KCNH3: variants seen among roughly 807,000 people sequenced by gnomAD.
KCNH3 encodes potassium voltage-gated channel subfamily H member 3.
KCNH3 carries 36 observed loss-of-function variants against 95.6 expected under a neutral mutation model. The observed-to-expected ratio is 0.38, with a 90% CI of 0.29 to 0.50. The LOEUF (loss-of-function observed/expected upper bound fraction) is 0.50, where lower values mean the gene tolerates loss of function less well. Ranked by LOEUF, KCNH3 falls within the 20% of genes least tolerant of loss-of-function variation. KCNH3 has a pLI of 0.95. For missense variants in KCNH3, 1,030 were observed against 1,484.1 expected (o/e 0.69, Z 5.03); for synonymous variants, 620 against 646.3 (o/e 0.96, Z 0.62).
In KCNH3 at chr12:49,544,381, T is replaced by A; in HGVS notation, c.1188T>A (p.Ile396=). 6.2e-7 allele frequency: 1 copy of A among 1,612,764 alleles called. No homozygotes were observed. The change falls in exon 7 of 15, where the codon ATT becomes ATA. Residue 396 remains isoleucine (I), a splice_region_variant and synonymous_variant. Coordinates refer to ENST00000257981, the MANE Select transcript of KCNH3 (RefSeq NM_012284.3). Reference sequence around the variant, plus strand: ...GCAGCGAATCCGAGCTGCCTGAGATTGGTACTGGAGGCTCCCTCTGCATGT... The same window carrying A: ...GCAGCGAATCCGAGCTGCCTGAGATAGGTACTGGAGGCTCCCTCTGCATGT... The part of the protein sequence containing the change: ...IESSESELPE[I]GWLQELARRL...
At chr12:49,552,572 G>A (rs1040562873) in intron 10 of KCNH3, among the ~76,000 whole-genome samples, 1 of 152,174 alleles carries the variant, frequency 6.6e-6, no homozygotes, top group Non-Finnish European at 1.5e-5. Context: ...GAACATCCAA[G>A]TGCATCCTGT....
chr12:49,556,651 C>G (rs1938460233), intron 13 of KCNH3, 175 bp downstream of exon 13: 2 of 703,680 alleles, frequency 2.8e-6, no homozygotes, highest in Admixed American at 2.0e-5. Context: ...TGGTGAAGAC[C>G]AGCACTTTAA....
intron 10 of KCNH3, among the ~76,000 whole-genome samples, chr12:49,552,717 ACT>A (rs1440502902): frequency 1.3e-5 from 2 of 151,770 alleles, no homozygotes; most frequent in African/African-American, 2.4e-5. Flanking sequence ...TGGTCCTGAG[ACT>A]CTGCCCTCGG....
chr12:49,556,754 TA>T (rs34930889), intron 13 of KCNH3: 4 of 677,268 alleles, frequency 5.9e-6, no homozygotes, highest in East Asian at 2.8e-5. Flanking sequence ...TTCCTGTCTG[TA>T]AAAAAATGGG....
intron 10 of KCNH3, among the ~76,000 whole-genome samples, chr12:49,551,903 C>A (rs1355267085): frequency 6.6e-6 from 1 of 152,206 alleles, no homozygotes; most frequent in East Asian, 1.9e-4. Flanking sequence ...ACTGTGTGTC[C>A]ATCCTTGCTC....
chr12:49,541,002 C>A lies in KCNH3; in HGVS notation c.180C>A (p.Val60=), dbSNP rs1196750012. The A allele has an allele frequency of 1.2e-6, 2 of 1,614,006 alleles. No homozygotes were observed. Among genetic ancestry groups the A allele is most frequent in the Non-Finnish European group, 1.7e-6 (2 of 1,180,048 alleles). Residue 60 remains valine, a synonymous_variant, in exon 2 of 15, where the codon GTC becomes GTA. Coordinates refer to ENST00000257981, the MANE Select transcript of KCNH3 (RefSeq NM_012284.3). ...CDLTGFSRAE[V]MQRGCACSFL... is the part of the protein sequence containing the mutation. ...TCACGGGCTTCTCCCGGGCTGAGGT[C>A]ATGCAGCGGGGCTGTGCCTGCTCCT...
chr12:49,547,247 C>T (rs940518324), intron 7 of KCNH3, among the ~76,000 whole-genome samples: 1 of 152,216 alleles, frequency 6.6e-6, no homozygotes, highest in Admixed American at 6.5e-5. Context: ...GGTGAGCCCC[C>T]ACCTTGGTGC....
rs193291852 is a variant in KCNH3, at chr12:49,553,827, C to G, written c.1919-510C>G. ...TAAGCCTGGCTGCCTGGCATTTTCCCTATGCCACACAGGGCTCTAATTTGC... is the reference window on the plus strand; with the variant it reads ...TAAGCCTGGCTGCCTGGCATTTTCCGTATGCCACACAGGGCTCTAATTTGC... On this transcript the variant is annotated intron_variant, in intron 10 of 14. Coordinates refer to ENST00000257981, the MANE Select transcript of KCNH3 (RefSeq NM_012284.3). Among the ~76,000 whole-genome samples the G allele has an allele frequency of 2.0e-5, 3 of 152,320 alleles. No homozygotes were observed. In the East Asian group the frequency reaches 5.8e-4, roughly 29 times the overall value.
intron 7 of KCNH3, among the ~76,000 whole-genome samples, chr12:49,547,386 G>A (rs1011693941): frequency 2.0e-5 from 3 of 152,156 alleles, no homozygotes; most frequent in South Asian, 2.1e-4. Flanking sequence ...GGTTTGGCTC[G>A]TGCCTGTCCC....
Position 49,549,508 on chromosome 12 carries a change from T to C in KCNH3, c.1536T>C (p.Phe512=). ...TCCAGCGCATGTACGCCCGCCGCTT[T>C]CTGTACCACAGCCGCACGCGCGACC... is the stretch of plus-strand genomic sequence containing the variant. ...AIIQRMYARR[F]LYHSRTRDLR... Residue 512 remains phenylalanine, a synonymous_variant, in exon 9 of 15, where the codon TTT becomes TTC. Transcript: ENST00000257981. 2 of 1,613,762 alleles carry C rather than the reference T, an allele frequency of 1.2e-6. No homozygotes were observed. The highest frequency in any genetic ancestry group is 1.7e-6 in the Non-Finnish European group (2 of 1,180,038).
chr12:49,543,748 G>A, intron 5 of KCNH3, 167 bp from the exon 6 acceptor site: 1 of 1,086,104 alleles, frequency 9.2e-7, no homozygotes, highest in Non-Finnish European at 1.3e-6. Context: ...TTCCCCCTTT[G>A]TAAAATAGGC....
chr12:49,555,972 C>T (rs371396234), intron 12 of KCNH3, 21 bp downstream of exon 12: 20 of 1,211,780 alleles, frequency 1.7e-5, no homozygotes, highest in African/African-American at 7.5e-5. Flanking sequence ...CCTAGGCCCC[C>T]GTGGCAGAGA....
rs751096116 is a variant in KCNH3 at position 49,549,505 on chromosome 12, C to T, written c.1533C>T (p.Arg511=). 5 of 1,613,782 alleles carry T rather than the reference C, an allele frequency of 3.1e-6. No individual in the cohort carries two copies. In the Admixed American group the frequency reaches 8.3e-5, roughly 27 times the overall value. The change falls in exon 9 of 15, where the codon CGC becomes CGT. Residue 511 remains arginine (R), a synonymous_variant. Transcript: ENST00000257981. Reference sequence around the variant, plus strand: ...TCATCCAGCGCATGTACGCCCGCCGCTTTCTGTACCACAGCCGCACGCGCG... The same window carrying T: ...TCATCCAGCGCATGTACGCCCGCCGTTTTCTGTACCACAGCCGCACGCGCG... ...TAIIQRMYAR[R]FLYHSRTRDL...
At chr12:49,547,110 G>C (rs1437381236) in intron 7 of KCNH3, among the ~76,000 whole-genome samples, 1 of 152,050 alleles carries the variant, frequency 6.6e-6, no homozygotes, top group Non-Finnish European at 1.5e-5. Context: ...GGTCACGCTG[G>C]TCTCGAACTC....
At position 49,548,885 on chromosome 12, in the gene KCNH3, C is replaced by T. The variant is rs760459990; in HGVS notation, c.1190-10C>T. The T allele has an allele frequency of 1.3e-6, 2 of 1,555,750 alleles. No homozygotes were observed. The highest frequency in any genetic ancestry group is 1.7e-6 in the Non-Finnish European group (2 of 1,151,070). ...TCCTGCCTGCTCAGGCCCTGCTGTT[C>T]CCCCCTCAGGCTGGCTGCAGGAGCT... On this transcript the variant is annotated splice_polypyrimidine_tract_variant and intron_variant, in intron 7 of 14. Transcript: ENST00000257981.
chr12:49,549,115 C>T lies in KCNH3; in HGVS notation c.1410C>T (p.Asn470=), dbSNP rs754123418. Residue 470 remains asparagine (N), a synonymous_variant, in exon 8 of 15, where the codon AAC becomes AAT. Coordinates refer to ENST00000257981, the MANE Select transcript of KCNH3 (RefSeq NM_012284.3). ...LSSLTSVGFG[N]VSANTDTEKI... Reference sequence around the variant, plus strand: ...GCCTCACCAGCGTGGGCTTCGGCAACGTGTCCGCCAACACGGACACCGAGA... The same window carrying T: ...GCCTCACCAGCGTGGGCTTCGGCAATGTGTCCGCCAACACGGACACCGAGA... The T allele has an allele frequency of 6.2e-7, 1 of 1,612,324 alleles. No individual in the cohort carries two copies. Among genetic ancestry groups the T allele is most frequent in the South Asian group, 1.1e-5 (1 of 91,054 alleles).
chr12:49,542,645 C>G (rs1937909577), intron 3 of KCNH3, 61 bp from the exon 4 acceptor site: 3 of 1,507,356 alleles, frequency 2.0e-6, no homozygotes, highest in Non-Finnish European at 2.7e-6. Context: ...CTACACCTGA[C>G]CCGGAGCTAG....
intron 10 of KCNH3, among the ~76,000 whole-genome samples, chr12:49,551,022 C>T (rs545369920): frequency 1.4e-4 from 21 of 152,210 alleles, no homozygotes; most frequent in Non-Finnish European, 5.9e-5. Context: ...CCTCACAAAA[C>T]CCATTATTCC....
At position 49,555,665 on chromosome 12, in the gene KCNH3, C is replaced by T; in HGVS notation, c.2182C>T (p.Leu728=). The T allele has an allele frequency of 6.3e-7, 1 of 1,596,282 alleles. No individual in the cohort carries two copies. Among genetic ancestry groups the T allele is most frequent in the African/African-American group, 1.3e-5 (1 of 74,552 alleles). ...LSGDNTLMST[L]EEKETDGEQG... is the part of the protein sequence containing the mutation. The stretch of plus-strand genomic sequence containing the variant: ...CGGCGACAATACCCTTATGTCCACG[C>T]TGGAGGAGAAGGAGACAGATGGGGA... Residue 728 remains leucine (L), a synonymous_variant, in exon 12 of 15, where the codon CTG becomes TTG. Transcript: ENST00000257981.
Sources: gnomAD v4.1 joint callset for allele counts (sites outside exome capture counted in the v4.1 genomes callset) on GRCh38, gnomAD v4.1.1 for gene constraint, MANE v1.5 for transcripts, NCBI Gene and HGNC (gene_info 2026-07-23, HGNC 2026-07-21) for gene names.